The following MELK variants were observed in gnomAD, a reference collection of about 807,000 sequenced individuals.
The protein encoded by MELK is pEg3 kinase.
Under a neutral mutation model 85.0 loss-of-function variants are expected in MELK, and 81 were observed. That is an observed-to-expected ratio of 0.95 (90% CI 0.80 to 1.15). The LOEUF (loss-of-function observed/expected upper bound fraction) is 1.15. MELK is among the 50% of genes most tolerant of loss of function. MELK has a pLI of 0.00. For synonymous variants in MELK, 252 were observed against 265.0 expected, an observed-to-expected ratio of 0.95 and a Z score of 0.48; for missense variants, 754 against 777.5, an observed-to-expected ratio of 0.97 and a Z score of 0.36.
chr9:36,616,134 G>C (rs1200715515), intron 8 of MELK, among the ~76,000 whole-genome samples: 4 of 152,164 alleles, frequency 2.6e-5, no homozygotes, highest in African/African-American at 9.6e-5. Context: ...AGTAAAAGTA[G>C]ACCTGTATAT....
intron 17 of MELK, among the ~76,000 whole-genome samples, chr9:36,676,682 A>C (rs1309516746): frequency 6.6e-6 from 1 of 152,210 alleles, no homozygotes; most frequent in African/African-American, 2.4e-5. Context: ...AACCTCAAAA[A>C]CACACGTGCC....
intron 16 of MELK, among the ~76,000 whole-genome samples, chr9:36,673,114 A>G (rs1447469410): frequency 5.3e-5 from 8 of 152,220 alleles, no homozygotes; most frequent in Admixed American, 4.6e-4. Flanking sequence ...AAAAAATCCA[A>G]AATTTAAGTA....
At chr9:36,596,557 C>A (rs903119828) in intron 5 of MELK, among the ~76,000 whole-genome samples, 7 of 142,814 alleles carry the variant, frequency 4.9e-5, no homozygotes, top group Non-Finnish European at 1.0e-4. Context: ...GCGCCCGGCC[C>A]TTTTTGTTTT....
At chr9:36,625,684 G>A (rs920932584) in intron 8 of MELK, among the ~76,000 whole-genome samples, 3 of 152,130 alleles carry the variant, frequency 2.0e-5, no homozygotes, top group Non-Finnish European at 2.9e-5. Context: ...ACTTTGGGAG[G>A]CTGAGGCGGG....
At chr9:36,658,468 G>T (rs1219585468) in intron 13 of MELK, among the ~76,000 whole-genome samples, 2 of 152,044 alleles carry the variant, frequency 1.3e-5, no homozygotes, top group Non-Finnish European at 2.9e-5. Flanking sequence ...TTGAACTCCA[G>T]AATTTGTTTT....
intron 13 of MELK, among the ~76,000 whole-genome samples, chr9:36,659,952 A>G (rs1831629729): frequency 1.3e-5 from 2 of 152,160 alleles, no homozygotes. Flanking sequence ...GGCATGCGCC[A>G]CCACACCTGG....
chr9:36,611,778 A>ATTATTATTAT (rs1554721631), intron 8 of MELK, among the ~76,000 whole-genome samples: 1 of 149,712 alleles, frequency 6.7e-6, no homozygotes, highest in African/African-American at 2.5e-5. Flanking sequence ...TATTATTATT[A>ATTATTATTAT]TTATTATTAT....
chr9:36,615,071 A>C (rs1447028121), intron 8 of MELK, among the ~76,000 whole-genome samples: 18 of 60,452 alleles, frequency 3.0e-4, no homozygotes, highest in South Asian at 5.0e-4. Context: ...GGGGGGGCTG[A>C]CCCCCCCCCC....
At chr9:36,676,069 A>T (rs1231935790) in intron 17 of MELK, among the ~76,000 whole-genome samples, 1 of 152,060 alleles carries the variant, frequency 6.6e-6, no homozygotes, top group Non-Finnish European at 1.5e-5. Flanking sequence ...TCTCTCAATG[A>T]TCTATTATCT....
At chr9:36,649,753 A>G (rs1830529692) in intron 11 of MELK, among the ~76,000 whole-genome samples, 1 of 151,974 alleles carries the variant, frequency 6.6e-6, no homozygotes, top group African/African-American at 2.4e-5. Flanking sequence ...TGGGCGATAG[A>G]GCGAGACTCT....
intron 8 of MELK, among the ~76,000 whole-genome samples, chr9:36,627,504 AACCC>A (rs1828054491): frequency 6.6e-6 from 1 of 150,480 alleles, no homozygotes. Context: ...TTACCCAGAG[AACCC>A]ATTCTCTCTC....
chr9:36,644,220 T>A (rs1830027097), intron 11 of MELK, among the ~76,000 whole-genome samples: 1 of 119,920 alleles, frequency 8.3e-6, no homozygotes, highest in Non-Finnish European at 1.8e-5. Context: ...TGTGTGTGTG[T>A]GTGTGTGTGT....
At chr9:36,607,790 CA>C in intron 8 of MELK, 117 bp downstream of exon 8, 1 of 766,452 alleles carries the variant, frequency 1.3e-6, no homozygotes. Context: ...TGTTAGAAGT[CA>C]AAATCTTAGT....
chr9:36,581,822 G>A (rs879035054), intron 2 of MELK, 83 bp downstream of exon 2: 17 of 1,110,476 alleles, frequency 1.5e-5, no homozygotes, highest in Middle Eastern at 2.1e-4. Flanking sequence ...GAGCTTTTTC[G>A]TCTAACCCAC....
intron 8 of MELK, among the ~76,000 whole-genome samples, chr9:36,615,049 A>G (rs371583127): frequency 8.0e-4 from 78 of 97,752 alleles, no homozygotes; most frequent in East Asian, 2.0e-3. Flanking sequence ...CGGACGGGGC[A>G]GCTGGCCGGG....
chr9:36,626,499 C>G (rs1024711306), intron 8 of MELK, among the ~76,000 whole-genome samples: 3 of 152,184 alleles, frequency 2.0e-5, no homozygotes, highest in African/African-American at 7.2e-5. Context: ...TAAATGCACA[C>G]TTACACGTAG....
chr9:36,648,596 C>T lies in MELK; in HGVS notation c.922-3150C>T, dbSNP rs182818654. Among the ~76,000 whole-genome samples the T allele has an allele frequency of 1.2e-3, 182 of 152,320 alleles. 5 individuals are homozygous for T. Among genetic ancestry groups the T allele is most frequent in the Admixed American group, 0.012 (179 of 15,300 alleles). On this transcript the variant is annotated intron_variant, in intron 11 of 17. Coordinates refer to ENST00000298048, the MANE Select transcript of MELK (RefSeq NM_014791.4). ...AAAGTCTTCATATTGAACAGTGCAC[C>T]ACCATCTCAAATTCCCTTCCCTATT...
At chr9:36,604,940 G>A (rs997791811) in intron 7 of MELK, among the ~76,000 whole-genome samples, 1 of 151,302 alleles carries the variant, frequency 6.6e-6, no homozygotes, top group African/African-American at 2.4e-5. Context: ...ACTGCGCCCA[G>A]CCATTATTTA....
chr9:36,585,592 C>T (rs1200770642), intron 3 of MELK, among the ~76,000 whole-genome samples: 1 of 152,118 alleles, frequency 6.6e-6, no homozygotes, highest in Non-Finnish European at 1.5e-5. Flanking sequence ...CAGGTGTGAG[C>T]TACCACTCCC....
Sources: gnomAD v4.1 joint callset for allele counts (sites outside exome capture counted in the v4.1 genomes callset) on GRCh38, gnomAD v4.1.1 for gene constraint, MANE v1.5 for transcripts, NCBI Gene and HGNC (gene_info 2026-07-23, HGNC 2026-07-21) for gene names.